The following CNTN4 variants were observed in gnomAD, a reference collection of about 807,000 sequenced individuals.
The protein encoded by CNTN4 is contactin 4.
A neutral mutation model predicts 122.5 loss-of-function variants in CNTN4; 77 were observed. The observed-to-expected ratio is 0.63, with a 90% CI of 0.52 to 0.76. The LOEUF (loss-of-function observed/expected upper bound fraction) is 0.76, where lower values mean the gene tolerates loss of function less well. CNTN4 is among the 30% of genes least tolerant of loss of function. CNTN4 has a pLI of 0.00. For synonymous variants in CNTN4, 512 were observed against 447.0 expected (o/e 1.15, Z -1.83); for missense variants, 1,256 against 1,259.1 (o/e 1.00, Z 0.04).
chr3:2,745,899 G>A (rs1489103135), intron 6 of CNTN4, among the ~76,000 whole-genome samples: 1 of 152,066 alleles, frequency 6.6e-6, no homozygotes, highest in Non-Finnish European at 1.5e-5. Flanking sequence ...CTTCTACTTC[G>A]ATAAGGATTG....
Position 2,890,961 on chromosome 3 carries a change from C to G in CNTN4, c.940+3737C>G, listed in dbSNP as rs1385010975. ...CTCTGTTACTAAAGATAAACATTTT[C>G]CAAAATGACTTTAATACATTATTTA... On this transcript the variant is annotated intron_variant, in intron 10 of 24. Transcript: ENST00000418658. Among the ~76,000 whole-genome samples the G allele has an allele frequency of 2.6e-5, 4 of 151,598 alleles. No individual in the cohort carries two copies. The East Asian group carries it at 7.8e-4, about 30-fold the overall frequency.
In CNTN4 at chr3:2,816,262, G is replaced by A. The variant is rs1473872455; in HGVS notation, c.359-3224G>A. On this transcript the variant is annotated intron_variant, in intron 6 of 24. Transcript: ENST00000418658. ...CCAGCTACTCGGGAGGCTGAGGCAG[G>A]AGAATGGCGTGAACCCAGGAGGCAG... Among the ~76,000 whole-genome samples, 7 of 148,540 alleles carry A rather than the reference G, an allele frequency of 4.7e-5. 1 individual carries two copies. Among genetic ancestry groups the A allele is most frequent in the African/African-American group, 1.8e-4 (7 of 38,144 alleles).
At chr3:2,758,104 T>G (rs904151249) in intron 6 of CNTN4, among the ~76,000 whole-genome samples, 1 of 152,210 alleles carries the variant, frequency 6.6e-6, no homozygotes, top group Admixed American at 6.5e-5. Context: ...TAATTATATC[T>G]TAAAGGCCCT....
intron 3 of CNTN4, among the ~76,000 whole-genome samples, chr3:2,388,507 A>T (rs531213600): frequency 8.5e-5 from 13 of 152,332 alleles, no homozygotes; most frequent in Non-Finnish European, 1.5e-4. Flanking sequence ...TCAGAATAAA[A>T]TCCACACTCC....
intron 6 of CNTN4, among the ~76,000 whole-genome samples, chr3:2,779,330 G>C (rs550576315): frequency 1.3e-5 from 2 of 152,002 alleles, no homozygotes; most frequent in East Asian, 1.9e-4. Context: ...GCAATGGTGC[G>C]ATCTCGGCTC....
chr3:2,878,551 C>CTGTGTGTGTGTG (rs1256548850), intron 8 of CNTN4, among the ~76,000 whole-genome samples: 7 of 64,940 alleles, frequency 1.1e-4, no homozygotes, highest in South Asian at 1.2e-3. Context: ...AAGAGATGCT[C>CTGTGTGTGTGTG]TCTGTGTGTG....
At chr3:2,464,745 C>T (rs2075437626) in intron 3 of CNTN4, among the ~76,000 whole-genome samples, 1 of 152,190 alleles carries the variant, frequency 6.6e-6, no homozygotes, top group Non-Finnish European at 1.5e-5. Flanking sequence ...GCAAACTCTG[C>T]CCTAGAGGAA....
intron 3 of CNTN4, among the ~76,000 whole-genome samples, chr3:2,395,607 T>C (rs1482368959): frequency 6.6e-6 from 1 of 152,096 alleles, no homozygotes; most frequent in African/African-American, 2.4e-5. Context: ...TCTTTTCCTC[T>C]CCTCTCTAGT....
intron 2 of CNTN4, among the ~76,000 whole-genome samples, chr3:2,228,887 C>A (rs2149531609): frequency 6.6e-6 from 1 of 152,202 alleles, no homozygotes; most frequent in Non-Finnish European, 1.5e-5. Context: ...ATTTGGACAT[C>A]TCAGTTAATT....
At chr3:2,393,435 T>G (rs944433856) in intron 3 of CNTN4, among the ~76,000 whole-genome samples, 4 of 152,168 alleles carry the variant, frequency 2.6e-5, no homozygotes, top group African/African-American at 9.7e-5. Flanking sequence ...TAATAGCATA[T>G]GGCAGATAGT....
In CNTN4 at chr3:2,321,351, T is replaced by C. The variant is rs927547976; in HGVS notation, c.-144-17827T>C. 2.0e-5 allele frequency among the ~76,000 whole-genome samples: 3 copies of C among 152,086 alleles called. No individual in the cohort carries two copies. In the East Asian group the frequency reaches 5.8e-4, roughly 29 times the overall value. ...CCCCCATGAAAATTATTTTAAACTT[T>C]TAGTTTCCTTAGCTTTAAATGGAAA... On this transcript the variant is annotated intron_variant, in intron 2 of 24. Coordinates refer to ENST00000418658, the MANE Select transcript of CNTN4 (RefSeq NM_175607.3).
chr3:3,056,216 T>A lies in CNTN4; in HGVS notation c.3077T>A (p.Leu1026Ter). ...ATTTCCCTCACAGCTAGGTCCAGTT[T>A]ATGACAAAAGTTATCTGAAGGACTT... ...IMISLTARSS[L>*] The change falls in exon 25 of 25, where the codon TTA becomes TAA. Residue 1026 changes from leucine (L) to a stop codon, truncating the protein, a stop_gained. Transcript: ENST00000418658. LOFTEE classifies it high-confidence loss of function. 1.2e-6 allele frequency: 2 copies of A among 1,612,772 alleles called. No homozygotes were observed. Among genetic ancestry groups the A allele is most frequent in the Non-Finnish European group, 1.7e-6 (2 of 1,178,734 alleles).
rs540104066 is a variant in CNTN4 at position 2,678,904 on chromosome 3, T to C, written c.56-57311T>C. Among the ~76,000 whole-genome samples the C allele has an allele frequency of 7.5e-5, 10 of 132,830 alleles. 1 individual carries two copies. The South Asian group carries it at 2.9e-3, about 38-fold the overall frequency. The allele number at this position is 132,830 out of a possible 152,430, so 87.1% of individuals were successfully genotyped here. On this transcript the variant is annotated intron_variant, in intron 4 of 24. Transcript: ENST00000418658. ...CACCCAACTGGTTCCTTTTCTTTAC[T>C]TGGATGATCAAGGGGTAAAAGTACA...
chr3:2,531,557 C>A (rs2077596630), intron 3 of CNTN4, among the ~76,000 whole-genome samples: 1 of 152,130 alleles, frequency 6.6e-6, no homozygotes, highest in Non-Finnish European at 1.5e-5. Context: ...TTTCACAATT[C>A]TCAGTTGCAA....
At chr3:2,943,236 A>G (rs2094634480) in intron 13 of CNTN4, among the ~76,000 whole-genome samples, 1 of 152,194 alleles carries the variant, frequency 6.6e-6, no homozygotes, top group Non-Finnish European at 1.5e-5. Context: ...AAGGCTGGGT[A>G]AAAGCTACAG....
At chr3:2,880,030 C>G (rs533863269) in intron 8 of CNTN4, among the ~76,000 whole-genome samples, 1 of 152,104 alleles carries the variant, frequency 6.6e-6, no homozygotes, top group South Asian at 2.1e-4. Flanking sequence ...TCAGTTTGGG[C>G]CTAAATAGAT....
chr3:2,417,276 G>T (rs1180251690), intron 3 of CNTN4, among the ~76,000 whole-genome samples: 1 of 152,186 alleles, frequency 6.6e-6, no homozygotes, highest in Non-Finnish European at 1.5e-5. Context: ...TAGACAGTTG[G>T]TGAAAAATTC....
intron 2 of CNTN4, chr3:2,144,047 T>C (rs1455579136): frequency 6.6e-6 from 1 of 152,172 alleles, no homozygotes; most frequent in African/African-American, 2.4e-5. Context: ...GAAGATGAAG[T>C]AGAATTAGAC....
chr3:2,580,809 C>A (rs2079900458), intron 4 of CNTN4, among the ~76,000 whole-genome samples: 1 of 152,102 alleles, frequency 6.6e-6, no homozygotes, highest in Non-Finnish European at 1.5e-5. Flanking sequence ...GCACTATCAC[C>A]CTTAAACTCA....
Sources: allele counts gnomAD v4.1 joint callset (sites outside exome capture counted in the v4.1 genomes callset), GRCh38; gene constraint gnomAD v4.1.1; transcripts MANE v1.5; gene names NCBI Gene and HGNC (gene_info 2026-07-23, HGNC 2026-07-21).